The following GRIK4 variants were observed in gnomAD, a reference collection of about 807,000 sequenced individuals.
GRIK4 encodes glutamate receptor ionotropic, kainate 4.
GRIK4 carries 40 observed loss-of-function variants against 104.9 expected under a neutral mutation model. The observed-to-expected ratio is 0.38, with a 90% CI of 0.30 to 0.50. The LOEUF (loss-of-function observed/expected upper bound fraction) is 0.50. Among genes scored for constraint, GRIK4 ranks in the 20% least tolerant of loss-of-function variants. The probability of loss-of-function intolerance (pLI) is 0.93; values close to 1 mark genes in which losing one functional copy is unlikely to be tolerated. For missense variants in GRIK4, 1,047 were observed against 1,308.1 expected (o/e 0.80, Z 3.08); for synonymous variants, 485 against 524.9 (o/e 0.92, Z 1.04).
intron 3 of GRIK4, among the ~76,000 whole-genome samples, chr11:120,708,727 C>T (rs1227221675): frequency 6.6e-6 from 1 of 152,208 alleles, no homozygotes; most frequent in Non-Finnish European, 1.5e-5. Flanking sequence ...GTTGCCGAGA[C>T]CTGCTGTCTT....
intron 1 of GRIK4, among the ~76,000 whole-genome samples, chr11:120,634,564 G>A (rs1043326929): frequency 3.3e-5 from 5 of 152,016 alleles, no homozygotes; most frequent in African/African-American, 9.7e-5. Context: ...CCAGCCTGCC[G>A]GCCTGCCTAC....
At chr11:120,528,640 G>A (rs958160143) in intron 1 of GRIK4, among the ~76,000 whole-genome samples, 1 of 152,110 alleles carries the variant, frequency 6.6e-6, no homozygotes, top group Non-Finnish European at 1.5e-5. Context: ...CACGTGGCTG[G>A]GGAGGCCTCA....
chr11:120,690,287 G>C (rs1950337980), intron 3 of GRIK4, among the ~76,000 whole-genome samples: 1 of 152,222 alleles, frequency 6.6e-6, no homozygotes, highest in African/African-American at 2.4e-5. Context: ...AGATGTTTGT[G>C]GGTAGTGTTC....
intron 3 of GRIK4, among the ~76,000 whole-genome samples, chr11:120,678,849 G>A (rs1343805510): frequency 1.3e-5 from 2 of 151,790 alleles, no homozygotes; most frequent in Non-Finnish European, 2.9e-5. Context: ...TGGCCAGGCT[G>A]GTCTCGAACT....
chr11:120,901,611 G>C (rs1345383010), intron 12 of GRIK4, among the ~76,000 whole-genome samples: 2 of 152,192 alleles, frequency 1.3e-5, no homozygotes, highest in Non-Finnish European at 2.9e-5. Flanking sequence ...CTGACACAAA[G>C]TAGGAGCTCA....
At chr11:120,919,143 T>C (rs949295) in intron 13 of GRIK4, among the ~76,000 whole-genome samples, 86,703 of 152,064 alleles carry the variant, frequency 0.57, 26,259 homozygotes, top group African/African-American at 0.79. Flanking sequence ...AAGTAGGAAT[T>C]TGACAGGCGA....
intron 1 of GRIK4, among the ~76,000 whole-genome samples, chr11:120,561,229 C>T (rs531496248): frequency 6.6e-6 from 1 of 150,424 alleles, no homozygotes; most frequent in South Asian, 2.1e-4. Flanking sequence ...GGTTTAGCGG[C>T]AGCCAGGGGA....
intron 13 of GRIK4, among the ~76,000 whole-genome samples, chr11:120,917,313 A>G (rs973750876): frequency 1.4e-4 from 22 of 151,952 alleles, no homozygotes; most frequent in Admixed American, 1.4e-3. Flanking sequence ...AGAAAAGAAA[A>G]GAAAGCCAGG....
chr11:120,772,764 AGCATGCT>A (rs1951971712), intron 3 of GRIK4, among the ~76,000 whole-genome samples: 1 of 151,948 alleles, frequency 6.6e-6, no homozygotes, highest in Non-Finnish European at 1.5e-5. Flanking sequence ...AATGGGATCT[AGCATGCT>A]GCTGGAAGGA....
chr11:120,797,119 G>A (rs1952534167), intron 3 of GRIK4, among the ~76,000 whole-genome samples: 1 of 152,154 alleles, frequency 6.6e-6, no homozygotes, highest in Non-Finnish European at 1.5e-5. Context: ...GAATCCACCT[G>A]GGTTGGAAGA....
intron 1 of GRIK4, among the ~76,000 whole-genome samples, chr11:120,530,632 CG>C (rs1292082245): frequency 6.6e-6 from 1 of 152,188 alleles, no homozygotes; most frequent in Non-Finnish European, 1.5e-5. Context: ...GGGTTCCAGA[CG>C]GAAGCCTCTG....
intron 3 of GRIK4, among the ~76,000 whole-genome samples, chr11:120,800,836 A>G (rs1952608552): frequency 6.6e-6 from 1 of 152,224 alleles, no homozygotes; most frequent in African/African-American, 2.4e-5. Context: ...GCAGACATTC[A>G]AGGGCCACGT....
At chr11:120,687,899 T>C (rs557943948) in intron 3 of GRIK4, among the ~76,000 whole-genome samples, 148 of 152,346 alleles carry the variant, frequency 9.7e-4, no homozygotes, top group South Asian at 2.1e-3. Flanking sequence ...CTCTGCTTTA[T>C]AGAGACTTTC....
Position 120,902,324 on chromosome 11 carries a change from A to G in GRIK4, c.1273-2966A>G, listed in dbSNP as rs1483703481. Among the ~76,000 whole-genome samples, 1 of 152,126 alleles carries G rather than the reference A, an allele frequency of 6.6e-6. No homozygotes were observed. The highest frequency in any genetic ancestry group is 2.4e-5 in the African/African-American group (1 of 41,416). Reference sequence around the variant, plus strand: ...GCTCCAGGCTAGCACTCAACACCCCAGCATTCTCCAAGGTGCCAGTGAGCC... The same window carrying G: ...GCTCCAGGCTAGCACTCAACACCCCGGCATTCTCCAAGGTGCCAGTGAGCC... On this transcript the variant is annotated intron_variant, in intron 12 of 20. Transcript: ENST00000527524. The surrounding 1 kb of genome is among the most constrained non-coding windows in gnomAD (Gnocchi z 4.5).
At position 120,660,302 on chromosome 11, in the gene GRIK4, A is replaced by G; in HGVS notation, c.-17A>G. ...CATGCCCAGGCCAGCAGGGGGCTCC[A>G]TGAGGATTCATAGAAGATGCCCCGC... On this transcript the variant is annotated 5_prime_UTR_variant, in exon 3 of 21. An upstream start codon of the reference 5' UTR is lost. Coordinates refer to ENST00000527524, the MANE Select transcript of GRIK4 (RefSeq NM_014619.5). 1.9e-6 allele frequency: 3 copies of G among 1,600,058 alleles called. No individual in the cohort carries two copies. The highest frequency in any genetic ancestry group is 1.7e-5 in the Admixed American group (1 of 59,994).
intron 1 of GRIK4, among the ~76,000 whole-genome samples, chr11:120,547,973 T>A (rs772378259): frequency 8.5e-5 from 13 of 152,142 alleles, no homozygotes; most frequent in Non-Finnish European, 1.6e-4. Flanking sequence ...GGCCTGTGAC[T>A]CAGAGGGTGG....
chr11:120,867,285 A>G (rs1200046515), intron 9 of GRIK4, among the ~76,000 whole-genome samples: 1 of 152,124 alleles, frequency 6.6e-6, no homozygotes, highest in East Asian at 1.9e-4. Context: ...GGGGCTGAGA[A>G]ATTCACAGCA....
intron 3 of GRIK4, among the ~76,000 whole-genome samples, chr11:120,670,992 G>C (rs1950008400): frequency 6.6e-6 from 1 of 152,046 alleles, no homozygotes; most frequent in Admixed American, 6.5e-5. Context: ...TGCTGAGAAT[G>C]GTTTCCAGCT....
At chr11:120,612,499 C>A (rs1352965244) in intron 1 of GRIK4, among the ~76,000 whole-genome samples, 11 of 147,452 alleles carry the variant, frequency 7.5e-5, no homozygotes, top group Admixed American at 2.7e-4. Flanking sequence ...ACTTTTGAGG[C>A]AAAAAAAAAA....
Sources: allele counts gnomAD v4.1 joint callset (sites outside exome capture counted in the v4.1 genomes callset), GRCh38; gene constraint gnomAD v4.1.1; non-coding constraint Gnocchi (gnomAD v3.1); transcripts MANE v1.5; gene names NCBI Gene and HGNC (gene_info 2026-07-23, HGNC 2026-07-21).